The following TMCC1 variants were observed in gnomAD, a reference collection of about 807,000 sequenced individuals.
The protein encoded by TMCC1 is transmembrane and coiled-coil domain family 1.
Under a neutral mutation model 52.4 loss-of-function variants are expected in TMCC1, and 15 were observed. The ratio of observed to expected loss-of-function variants is 0.29; its 90% CI spans 0.19 to 0.44. The LOEUF (loss-of-function observed/expected upper bound fraction) is 0.44, where lower values mean the gene tolerates loss of function less well. TMCC1 is among the 20% of genes least tolerant of loss of function. The pLI is 1.00. For missense variants in TMCC1, 503 were observed against 806.0 expected (o/e 0.62, Z 4.55); for synonymous variants, 279 against 301.9 (o/e 0.92, Z 0.79).
In TMCC1 at chr3:129,828,697, G is replaced by A. The variant is rs1201646291; in HGVS notation, c.-130-189C>T. Among the ~76,000 whole-genome samples, 1 of 152,066 alleles carries A rather than the reference G, an allele frequency of 6.6e-6. No individual in the cohort carries two copies. The highest frequency in any genetic ancestry group is 1.9e-4 in the East Asian group (1 of 5,184). On this transcript the variant is annotated intron_variant, in intron 3 of 6. Transcript: ENST00000393238. The surrounding 1 kb of genome is among the most constrained non-coding windows in gnomAD (Gnocchi z 4.1). ...GATAGTGGGTAATGATTATTTTTTAGAATGAGAGAAAAAGCCCAGAACAAG... is the reference window on the plus strand; with the variant it reads ...GATAGTGGGTAATGATTATTTTTTAAAATGAGAGAAAAAGCCCAGAACAAG...
intron 4 of TMCC1, among the ~76,000 whole-genome samples, chr3:129,715,318 G>A (rs2048996468): frequency 6.6e-6 from 1 of 152,178 alleles, no homozygotes; most frequent in South Asian, 2.1e-4. Context: ...CAGCACTTTG[G>A]GAGGCCGAGG....
At chr3:129,848,628 T>TAGTTGAAAGTACACTGTGC in intron 2 of TMCC1, among the ~76,000 whole-genome samples, 1 of 152,318 alleles carries the variant, frequency 6.6e-6, no homozygotes, top group Admixed American at 6.5e-5. Context: ...TGAACCCTTA[T>TAGTTGAAAGTACACTGTGC]AGTTGAAAGT....
At chr3:129,689,432 A>T (rs1288927128) in intron 4 of TMCC1, among the ~76,000 whole-genome samples, 5 of 152,240 alleles carry the variant, frequency 3.3e-5, no homozygotes, top group Non-Finnish European at 5.9e-5. Context: ...TTAAATGATT[A>T]CAAAATATAG....
chr3:129,765,272 TG>T (rs2054032882), intron 4 of TMCC1, among the ~76,000 whole-genome samples: 1 of 152,078 alleles, frequency 6.6e-6, no homozygotes, highest in Non-Finnish European at 1.5e-5. Context: ...GGCACAAATT[TG>T]GTAATAGTAG....
intron 4 of TMCC1, among the ~76,000 whole-genome samples, chr3:129,796,562 G>A (rs1386491780): frequency 6.6e-6 from 1 of 152,140 alleles, no homozygotes; most frequent in East Asian, 1.9e-4. Flanking sequence ...GCTCATACCT[G>A]TAATCCCAAT....
At chr3:129,804,983 C>G (rs1465131685) in intron 4 of TMCC1, among the ~76,000 whole-genome samples, 1 of 152,072 alleles carries the variant, frequency 6.6e-6, no homozygotes, top group African/African-American at 2.4e-5. Context: ...ATAAAATCAC[C>G]ACTTTTGTGA....
At chr3:129,722,245 A>AGTG (rs1281817964) in intron 4 of TMCC1, among the ~76,000 whole-genome samples, 1 of 152,128 alleles carries the variant, frequency 6.6e-6, no homozygotes, top group Non-Finnish European at 1.5e-5. Context: ...CTGTCAGATC[A>AGTG]GTGGTGGCAT....
intron 4 of TMCC1, among the ~76,000 whole-genome samples, chr3:129,729,761 A>T (rs1326474641): frequency 6.6e-6 from 1 of 152,178 alleles, no homozygotes; most frequent in African/African-American, 2.4e-5. Context: ...AATTGCTCAG[A>T]ACGCTTACAT....
chr3:129,768,840 A>G (rs1260411262), intron 4 of TMCC1, among the ~76,000 whole-genome samples: 1 of 152,194 alleles, frequency 6.6e-6, no homozygotes, highest in East Asian at 1.9e-4. Context: ...AATCCTTTTG[A>G]AAACAGACAA....
At chr3:129,751,650 C>T (rs1436653616) in intron 4 of TMCC1, among the ~76,000 whole-genome samples, 1 of 151,974 alleles carries the variant, frequency 6.6e-6, no homozygotes, top group East Asian at 1.9e-4. Flanking sequence ...CAACCTCCGG[C>T]CCTGTGTTCA....
At chr3:129,773,402 GA>G (rs964653466) in intron 4 of TMCC1, among the ~76,000 whole-genome samples, 10 of 152,006 alleles carry the variant, frequency 6.6e-5, no homozygotes, top group South Asian at 2.1e-4. Flanking sequence ...AAGCTAGGGG[GA>G]AAAAAAGCTG....
At position 129,827,958 on chromosome 3, in the gene TMCC1, A is replaced by T; in HGVS notation, c.421T>A (p.Ser141Thr). The change falls in exon 4 of 7, where the codon TCT (serine) becomes ACT (threonine). Residue 141 changes from serine to threonine, a missense_variant. Coordinates refer to ENST00000393238, the MANE Select transcript of TMCC1 (RefSeq NM_001017395.5). ...ATAACAGCTGTCATCTCCTGACCAG[A>T]CTTCCTGTTGATTTGGGGACTTCCC... ...PKGSPQINRK[S>T]GQEMTAVMQS... 6.2e-7 allele frequency: 1 copy of T among 1,614,082 alleles called. No individual in the cohort carries two copies. The highest frequency in any genetic ancestry group is 8.5e-7 in the Non-Finnish European group (1 of 1,179,982).
At chr3:129,815,595 A>T (rs756210693) in intron 4 of TMCC1, among the ~76,000 whole-genome samples, 33 of 152,164 alleles carry the variant, frequency 2.2e-4, no homozygotes, top group Admixed American at 5.2e-4. Flanking sequence ...CAAAAATCAA[A>T]TCAAAAGGGA....
At chr3:129,767,318 T>C (rs1013846798) in intron 4 of TMCC1, among the ~76,000 whole-genome samples, 3 of 150,878 alleles carry the variant, frequency 2.0e-5, no homozygotes, top group Non-Finnish European at 4.4e-5. Flanking sequence ...ATTTAAAGTA[T>C]ACAATTCAAC....
chr3:129,756,855 T>C (rs1204842309), intron 4 of TMCC1, among the ~76,000 whole-genome samples: 1 of 152,208 alleles, frequency 6.6e-6, no homozygotes, highest in Admixed American at 6.5e-5. Context: ...GAGTTGTTGA[T>C]TATAAAGTGG....
At chr3:129,672,314 T>A (rs2088020344) in intron 4 of TMCC1, among the ~76,000 whole-genome samples, 1 of 152,174 alleles carries the variant, frequency 6.6e-6, no homozygotes, top group African/African-American at 2.4e-5. Flanking sequence ...GAAACTGTTC[T>A]TGGCCAGGCA....
intron 4 of TMCC1, among the ~76,000 whole-genome samples, chr3:129,813,879 T>C (rs572455137): frequency 1.3e-5 from 2 of 152,292 alleles, no homozygotes; most frequent in African/African-American, 4.8e-5. Context: ...CTTATATATG[T>C]TAAAGGAAAT....
intron 3 of TMCC1, among the ~76,000 whole-genome samples, chr3:129,829,332 T>C (rs1456598394): frequency 6.7e-6 from 1 of 149,978 alleles, no homozygotes; most frequent in South Asian, 2.1e-4. Flanking sequence ...GATAGAAAAG[T>C]AGAGAAAAAG....
chr3:129,888,627 C>CATTGGGAGCTTTGG (rs2061828571), intron 1 of TMCC1, among the ~76,000 whole-genome samples: 1 of 152,134 alleles, frequency 6.6e-6, no homozygotes, highest in Admixed American at 6.5e-5. Flanking sequence ...TAAAGAGCTC[C>CATTGGGAGCTTTGG]CAATGGCCAA....
Sources: gnomAD v4.1 joint callset for allele counts (sites outside exome capture counted in the v4.1 genomes callset) on GRCh38, gnomAD v4.1.1 for gene constraint, Gnocchi (gnomAD v3.1) non-coding constraint, MANE v1.5 for transcripts, NCBI Gene and HGNC (gene_info 2026-07-23, HGNC 2026-07-21) for gene names.